The following PTPRT variants were observed in gnomAD, a reference collection of about 807,000 sequenced individuals.
The protein encoded by PTPRT is protein tyrosine phosphatase receptor type T.
In PTPRT, 56 loss-of-function variants were observed where a neutral mutation model predicts 176.8. The observed-to-expected ratio is 0.32, with a 90% CI of 0.26 to 0.40. The LOEUF (loss-of-function observed/expected upper bound fraction) is 0.40, where lower values mean the gene tolerates loss of function less well. Among genes scored for constraint, PTPRT ranks in the 10% least tolerant of loss-of-function variants. The pLI, the probability that PTPRT is intolerant of heterozygous loss-of-function variation, is 1.00. For missense variants in PTPRT, 1,540 were observed against 1,908.2 expected, an observed-to-expected ratio of 0.81 and a Z score of 3.60; for synonymous variants, 783 against 739.0, an observed-to-expected ratio of 1.06 and a Z score of -0.96.
chr20:42,703,899 GT>G (rs2076011888), intron 6 of PTPRT, among the ~76,000 whole-genome samples: 1 of 152,130 alleles, frequency 6.6e-6, no homozygotes, highest in Non-Finnish European at 1.5e-5. Context: ...AAAACTTGAT[GT>G]TGTTGGAAGC....
In PTPRT at chr20:42,809,565, C is replaced by T. The variant is rs59976414; in HGVS notation, c.215-18099G>A. Among the ~76,000 whole-genome samples the T allele has an allele frequency of 3.2e-3, 484 of 152,326 alleles. 3 individuals are homozygous for T. Among genetic ancestry groups the T allele is most frequent in the African/African-American group, 0.011 (464 of 41,578 alleles). On this transcript the variant is annotated intron_variant, in intron 2 of 30. Coordinates refer to ENST00000373187, the MANE Select transcript of PTPRT (RefSeq NM_007050.6). ...TTAGGATAACAGAGATTCATTCTCT[C>T]ACAGTTCTGGAGGCCAGAAGTCTGA...
At chr20:42,060,546 T>C in the PTPRT span, among the ~76,000 whole-genome samples, 2 of 152,172 alleles carry the variant, frequency 1.3e-5, no homozygotes, top group Admixed American at 1.3e-4. Flanking sequence ...GCTGTTCTTG[T>C]GACAGTGAAT....
At chr20:43,038,065 T>G (rs1205052359) in intron 1 of PTPRT, among the ~76,000 whole-genome samples, 1 of 151,514 alleles carries the variant, frequency 6.6e-6, no homozygotes, top group Non-Finnish European at 1.5e-5. Flanking sequence ...TTTATAGCAT[T>G]ATTTATCTGA....
chr20:42,813,024 T>C (rs1045528928), intron 2 of PTPRT, among the ~76,000 whole-genome samples: 2 of 152,186 alleles, frequency 1.3e-5, no homozygotes, highest in Admixed American at 1.3e-4. Flanking sequence ...ACCACTCTAT[T>C]TCATCTGTAT....
At chr20:42,932,353 G>A (rs1390613503) in intron 1 of PTPRT, among the ~76,000 whole-genome samples, 2 of 152,254 alleles carry the variant, frequency 1.3e-5, no homozygotes, top group East Asian at 3.8e-4. Flanking sequence ...TCTGGCTGCA[G>A]CGCAGGCTGC....
the PTPRT span, among the ~76,000 whole-genome samples, chr20:42,055,709 G>A: frequency 6.6e-6 from 1 of 152,138 alleles, no homozygotes; most frequent in African/African-American, 2.4e-5. Flanking sequence ...GGGAATGAGA[G>A]GAATAGAAAG....
At chr20:42,976,712 A>T (rs1219034246) in intron 1 of PTPRT, among the ~76,000 whole-genome samples, 1 of 152,166 alleles carries the variant, frequency 6.6e-6, no homozygotes, top group Non-Finnish European at 1.5e-5. Flanking sequence ...CAGGCTGTTT[A>T]TTATTATGGA....
chr20:42,424,104 T>C (rs150416979), intron 9 of PTPRT, among the ~76,000 whole-genome samples: 72 of 152,356 alleles, frequency 4.7e-4, no homozygotes, highest in African/African-American at 1.7e-3. Context: ...CCAAATGCTC[T>C]TGAGATGCTG....
At chr20:42,241,725 G>A (rs2056357495) in intron 14 of PTPRT, among the ~76,000 whole-genome samples, 1 of 152,028 alleles carries the variant, frequency 6.6e-6, no homozygotes, top group Non-Finnish European at 1.5e-5. Flanking sequence ...CCACGTGAGT[G>A]CAAGCAGAAG....
chr20:42,867,591 C>T (rs1032186398), intron 2 of PTPRT, among the ~76,000 whole-genome samples: 4 of 151,708 alleles, frequency 2.6e-5, no homozygotes, highest in Admixed American at 2.0e-4. Flanking sequence ...TGGGCCCTCA[C>T]CAGACACTGA....
At chr20:42,195,192 T>C (rs1412365159) in intron 16 of PTPRT, among the ~76,000 whole-genome samples, 1 of 152,130 alleles carries the variant, frequency 6.6e-6, no homozygotes, top group African/African-American at 2.4e-5. Context: ...AAAATAAACC[T>C]ATGCAGGGAC....
chr20:42,571,636 G>A (rs2073156027), intron 7 of PTPRT, among the ~76,000 whole-genome samples: 2 of 152,206 alleles, frequency 1.3e-5, no homozygotes, highest in Admixed American at 6.5e-5. Flanking sequence ...CTCTAGAAGT[G>A]GAATTACTGG....
intron 16 of PTPRT, among the ~76,000 whole-genome samples, chr20:42,189,201 C>G (rs1225075847): frequency 6.6e-6 from 1 of 152,166 alleles, no homozygotes; most frequent in Non-Finnish European, 1.5e-5. Context: ...AGACCTCACA[C>G]CTCATATTTC....
chr20:42,194,975 G>C (rs1991146928), intron 16 of PTPRT, among the ~76,000 whole-genome samples: 1 of 152,114 alleles, frequency 6.6e-6, no homozygotes, highest in African/African-American at 2.4e-5. Flanking sequence ...ATGGACACAG[G>C]AAGGGAAACA....
chr20:42,218,355 G>A (rs896393312), intron 15 of PTPRT, among the ~76,000 whole-genome samples: 1 of 152,168 alleles, frequency 6.6e-6, no homozygotes, highest in South Asian at 2.1e-4. Context: ...GGATATTAAG[G>A]ATAATTTTCC....
At chr20:42,595,895 G>A (rs1231559241) in intron 7 of PTPRT, among the ~76,000 whole-genome samples, 1 of 152,110 alleles carries the variant, frequency 6.6e-6, no homozygotes, top group Non-Finnish European at 1.5e-5. Flanking sequence ...ACTGTGCCAG[G>A]CCTGTCCAAG....
intron 14 of PTPRT, among the ~76,000 whole-genome samples, chr20:42,239,658 G>A (rs6016725): frequency 0.015 from 2,212 of 151,992 alleles, 57 homozygotes; most frequent in African/African-American, 0.051. Context: ...TCCTGACCTC[G>A]TGATCCATCT....
chr20:42,496,610 C>A (rs962258210), intron 7 of PTPRT, among the ~76,000 whole-genome samples: 1 of 150,346 alleles, frequency 6.7e-6, no homozygotes, highest in Non-Finnish European at 1.5e-5. Context: ...TCTCCAAGAT[C>A]TGTATCTTGA....
chr20:42,958,496 G>A (rs1981804759), intron 1 of PTPRT, among the ~76,000 whole-genome samples: 1 of 150,852 alleles, frequency 6.6e-6, no homozygotes, highest in Admixed American at 6.6e-5. Context: ...AAGGAAGGAA[G>A]AAAGGAAACC....
Sources: allele counts gnomAD v4.1 joint callset (sites outside exome capture counted in the v4.1 genomes callset), GRCh38; gene constraint gnomAD v4.1.1; transcripts MANE v1.5; gene names NCBI Gene and HGNC (gene_info 2026-07-23, HGNC 2026-07-21).